The following TSPAN11 variants were observed in gnomAD, a reference collection of about 807,000 sequenced individuals.
TSPAN11 encodes the protein tetraspanin 11.
TSPAN11 carries 29 observed loss-of-function variants against 32.9 expected under a neutral mutation model. The ratio of observed to expected loss-of-function variants is 0.88; its 90% CI spans 0.66 to 1.20. TSPAN11 has a LOEUF of 1.20. Ranked by LOEUF, TSPAN11 falls within the 50% of genes most tolerant of loss-of-function variation. The pLI is 0.00. For missense variants in TSPAN11, 283 were observed against 329.1 expected (o/e 0.86, Z 1.08); for synonymous variants, 140 against 141.3 (o/e 0.99, Z 0.07).
the TSPAN11 span, among the ~76,000 whole-genome samples, chr12:31,011,832 G>A: frequency 6.6e-6 from 1 of 152,248 alleles, no homozygotes; most frequent in Non-Finnish European, 1.5e-5. Context: ...GCTTGAGAAG[G>A]AAGAAAGTGC....
At chr12:31,008,054 C>T in the TSPAN11 span, among the ~76,000 whole-genome samples, 2 of 152,034 alleles carry the variant, frequency 1.3e-5, no homozygotes, top group Non-Finnish European at 2.9e-5. Flanking sequence ...GGTGGCCACA[C>T]AGGGTCTCCC....
chr12:30,946,686 G>A lies in TSPAN11; in HGVS notation c.-11-7295G>A, dbSNP rs755141962. 2.4e-4 allele frequency among the ~76,000 whole-genome samples: 37 copies of A among 152,228 alleles called. 1 individual carries two copies. Among genetic ancestry groups the A allele is most frequent in the Admixed American group, 1.3e-4 (2 of 15,286 alleles). Reference sequence around the variant, plus strand: ...ATTCCTCTGAGCCCTGGAGCATTCAGACAGGCAGAGAGGAGCAGGTGTTTC... The same window carrying A: ...ATTCCTCTGAGCCCTGGAGCATTCAAACAGGCAGAGAGGAGCAGGTGTTTC... On this transcript the variant is annotated intron_variant, in intron 1 of 7. Transcript: ENST00000546076.
At chr12:30,998,093 A>AGT (rs1235143256), downstream of TSPAN11, among the ~76,000 whole-genome samples, 4 of 152,082 alleles carry the variant, frequency 2.6e-5, no homozygotes, top group African/African-American at 9.7e-5. Flanking sequence ...CATCACTATG[A>AGT]GTGTGTGCGT....
chr12:30,978,349 A>G (rs1417316349), intron 3 of TSPAN11: 3 of 601,872 alleles, frequency 5.0e-6, no homozygotes, highest in Admixed American at 2.8e-5. Context: ...GGATGGGTAC[A>G]TGCCGTACTG....
the TSPAN11 span, among the ~76,000 whole-genome samples, chr12:31,007,778 A>T: frequency 6.6e-6 from 1 of 152,192 alleles, no homozygotes; most frequent in Non-Finnish European, 1.5e-5. Context: ...GCCTGCTAGT[A>T]ATGAACCTGC....
chr12:31,001,817 C>G, the TSPAN11 span, among the ~76,000 whole-genome samples: 2 of 152,128 alleles, frequency 1.3e-5, no homozygotes, highest in African/African-American at 4.8e-5. Flanking sequence ...CCAGATGTCC[C>G]CAGGGAAGGA....
chr12:30,985,397 A>G (rs1187541525), intron 7 of TSPAN11, among the ~76,000 whole-genome samples: 3 of 152,114 alleles, frequency 2.0e-5, no homozygotes, highest in African/African-American at 7.2e-5. Flanking sequence ...CTCAAAAAAA[A>G]AGCTCTAGCT....
chr12:30,997,233 GA>G (rs1939430775), downstream of TSPAN11: 1 of 152,214 alleles, frequency 6.6e-6, no homozygotes, highest in South Asian at 2.1e-4. Context: ...GCCCAGTCCA[GA>G]GCTAAAAGGA....
chr12:30,991,645 TC>T (rs1939314192), intron 7 of TSPAN11, among the ~76,000 whole-genome samples: 1 of 152,060 alleles, frequency 6.6e-6, no homozygotes, highest in Admixed American at 6.5e-5. Context: ...AGAATGTGGT[TC>T]CCCCAGGCAC....
rs1939013173 is a variant in TSPAN11, at chr12:30,978,181, G to A, written c.277-380G>A. 6 of 191,810 alleles carry A rather than the reference G, an allele frequency of 3.1e-5. No homozygotes were observed. In the South Asian group the frequency reaches 9.5e-4, roughly 30 times the overall value. 11.9% of individuals were successfully genotyped at this position (191,810 alleles called of 1,614,324 possible). A position where few individuals can be genotyped will look rare whatever the true frequency, so the allele number is the denominator to read the frequency against. On this transcript the variant is annotated intron_variant, in intron 3 of 7. Transcript: ENST00000546076. Reference sequence around the variant, plus strand: ...CTTCTCTGACTGCCCACCCTACCAGGAGCCTCCCACCATTTCTAGAGCTTA... The same window carrying A: ...CTTCTCTGACTGCCCACCCTACCAGAAGCCTCCCACCATTTCTAGAGCTTA...
chr12:30,974,678 T>C (rs1938923956), intron 3 of TSPAN11, among the ~76,000 whole-genome samples: 1 of 152,198 alleles, frequency 6.6e-6, no homozygotes, highest in African/African-American at 2.4e-5. Context: ...CAACCTCAGA[T>C]GTGGTCCCTG....
At chr12:31,007,046 G>C in the TSPAN11 span, among the ~76,000 whole-genome samples, 1 of 152,094 alleles carries the variant, frequency 6.6e-6, no homozygotes, top group Non-Finnish European at 1.5e-5. Flanking sequence ...ATCGGTGTAG[G>C]GGGGGCCCCT....
intron 1 of TSPAN11, among the ~76,000 whole-genome samples, chr12:30,946,831 T>C: frequency 6.6e-6 from 1 of 152,044 alleles, no homozygotes; most frequent in Admixed American, 6.5e-5. Flanking sequence ...CCCTCTCCTT[T>C]GGGGCTGTCC....
intron 1 of TSPAN11, among the ~76,000 whole-genome samples, chr12:30,931,186 G>A (rs1455346944): frequency 6.6e-6 from 1 of 152,026 alleles, no homozygotes; most frequent in Non-Finnish European, 1.5e-5. Flanking sequence ...GGTTTTGTCA[G>A]CCAAACTTCA....
At chr12:31,010,343 T>C in the TSPAN11 span, among the ~76,000 whole-genome samples, 4 of 152,202 alleles carry the variant, frequency 2.6e-5, no homozygotes, top group African/African-American at 9.7e-5. Flanking sequence ...TCAGGCCACA[T>C]TGACATTAAA....
chr12:30,944,186 T>TG (rs1177466369), intron 1 of TSPAN11, among the ~76,000 whole-genome samples: 1 of 152,224 alleles, frequency 6.6e-6, no homozygotes, highest in African/African-American at 2.4e-5. Flanking sequence ...CATTGTGGAA[T>TG]GACTAAGTCT....
At chr12:30,927,793 G>A (rs1489081692) in intron 1 of TSPAN11, among the ~76,000 whole-genome samples, 1 of 152,166 alleles carries the variant, frequency 6.6e-6, no homozygotes, top group African/African-American at 2.4e-5. Context: ...GAACTTAATG[G>A]TTGTCACTGT....
At chr12:30,951,610 G>A (rs948164704) in intron 1 of TSPAN11, among the ~76,000 whole-genome samples, 1 of 152,200 alleles carries the variant, frequency 6.6e-6, no homozygotes, top group Non-Finnish European at 1.5e-5. Flanking sequence ...AAGATGGACC[G>A]AAATAATGAG....
At chr12:30,939,069 T>G (rs1938103964) in intron 1 of TSPAN11, among the ~76,000 whole-genome samples, 1 of 151,924 alleles carries the variant, frequency 6.6e-6, no homozygotes, top group Admixed American at 6.6e-5. Context: ...CTGTCTCTAC[T>G]AAAAATACAA....
Sources: gnomAD v4.1 joint callset for allele counts (sites outside exome capture counted in the v4.1 genomes callset) on GRCh38, gnomAD v4.1.1 for gene constraint, MANE v1.5 for transcripts, NCBI Gene and HGNC (gene_info 2026-07-23, HGNC 2026-07-21) for gene names.